Variants in RNGTT observed in about 807,000 individuals in gnomAD.
RNGTT encodes mRNA-capping enzyme.
In RNGTT, 33 loss-of-function variants were observed where a neutral mutation model predicts 79.3. The observed-to-expected ratio is 0.42, with a 90% CI of 0.32 to 0.56. RNGTT has a LOEUF of 0.56. Among genes scored for constraint, RNGTT ranks in the 20% least tolerant of loss-of-function variants. The pLI is 0.17. For missense variants in RNGTT, 497 were observed against 739.1 expected (o/e 0.67, Z 3.80); for synonymous variants, 222 against 235.9 (o/e 0.94, Z 0.54).
At chr6:88,658,856 G>T (rs1483040745) in intron 14 of RNGTT, among the ~76,000 whole-genome samples, 3 of 152,202 alleles carry the variant, frequency 2.0e-5, no homozygotes, top group Admixed American at 1.3e-4. Context: ...TAGACTCTTG[G>T]ACTTACACCA....
chr6:88,869,800 T>C (rs1040786914), intron 8 of RNGTT, among the ~76,000 whole-genome samples: 3 of 152,196 alleles, frequency 2.0e-5, no homozygotes, highest in Non-Finnish European at 4.4e-5. Context: ...CAAGGCCACA[T>C]CATAGAGCAG....
intron 13 of RNGTT, among the ~76,000 whole-genome samples, chr6:88,739,418 A>G (rs897292058): frequency 7.2e-5 from 11 of 152,110 alleles, no homozygotes; most frequent in African/African-American, 2.4e-4. Flanking sequence ...TTCCTGTAAC[A>G]CTAAAGAAAT....
chr6:88,681,160 A>T lies in RNGTT; in HGVS notation c.1440-2741T>A, dbSNP rs181956425. ...TTAGCAGCAGGAACAGTCACTGTTCATACAAATAGATGCTAGAAAAGGAAA... is the reference window on the plus strand; with the variant it reads ...TTAGCAGCAGGAACAGTCACTGTTCTTACAAATAGATGCTAGAAAAGGAAA... On this transcript the variant is annotated intron_variant, in intron 13 of 15. Coordinates refer to ENST00000369485, the MANE Select transcript of RNGTT (RefSeq NM_003800.5). Among the ~76,000 whole-genome samples the T allele has an allele frequency of 4.6e-5, 7 of 152,334 alleles. No individual in the cohort carries two copies. In the East Asian group the frequency reaches 1.4e-3, roughly 29 times the overall value.
At chr6:88,633,133 G>A (rs1772966322) in intron 14 of RNGTT, among the ~76,000 whole-genome samples, 2 of 152,070 alleles carry the variant, frequency 1.3e-5, no homozygotes, top group Admixed American at 1.3e-4. Flanking sequence ...TTATTGCAGG[G>A]TATAATCCCT....
chr6:88,921,963 G>A (rs1784176953), intron 4 of RNGTT, among the ~76,000 whole-genome samples: 1 of 152,088 alleles, frequency 6.6e-6, no homozygotes, highest in East Asian at 1.9e-4. Flanking sequence ...CAAGGCACTT[G>A]AGCACTGAGC....
At chr6:88,815,200 A>G (rs562806911) in intron 11 of RNGTT, among the ~76,000 whole-genome samples, 3 of 152,302 alleles carry the variant, frequency 2.0e-5, no homozygotes, top group African/African-American at 7.2e-5. Flanking sequence ...AATCCAGTAT[A>G]AACTGTGGAC....
intron 1 of RNGTT, among the ~76,000 whole-genome samples, chr6:88,945,056 G>A (rs73489909): frequency 2.1e-3 from 318 of 152,344 alleles, no homozygotes; most frequent in African/African-American, 7.4e-3. Context: ...ACGGGCTGAT[G>A]AAGATAGTCC....
At chr6:88,655,795 T>C (rs1773955024) in intron 14 of RNGTT, among the ~76,000 whole-genome samples, 1 of 151,740 alleles carries the variant, frequency 6.6e-6, no homozygotes, top group South Asian at 2.1e-4. Context: ...AGACAACTAA[T>C]ATCAAGAGAT....
At position 88,904,875 on chromosome 6, in the gene RNGTT, C is replaced by T. The variant is rs1408990956; in HGVS notation, c.524G>A (p.Arg175His). The T allele has an allele frequency of 3.1e-6, 5 of 1,613,894 alleles. No individual in the cohort carries two copies. The highest frequency in any genetic ancestry group is 4.2e-6 in the Non-Finnish European group (5 of 1,180,014). ...YKGDYLKELF[R>H]RYGDIEEAPP... ...TGCTTCCTCTATGTCACCATACCGA[C>T]GAAAAAGTTCCTTCAAATAATCACC... is the stretch of plus-strand genomic sequence containing the variant. The change falls in exon 6 of 16, where the codon CGT (arginine) becomes CAT (histidine). Residue 175 changes from arginine to histidine, a missense_variant. This residue lies in a region of RNGTT where 440 missense variants were observed against 671.5 expected (regional missense o/e 0.66). Coordinates refer to ENST00000369485, the MANE Select transcript of RNGTT (RefSeq NM_003800.5).
At chr6:88,861,283 A>G (rs186701467) in intron 8 of RNGTT, among the ~76,000 whole-genome samples, 1 of 152,282 alleles carries the variant, frequency 6.6e-6, no homozygotes, top group East Asian at 1.9e-4. Context: ...GACAGAATAT[A>G]TAAACCTTCC....
At position 88,610,818 on chromosome 6, in the gene RNGTT, T is replaced by A. The variant is rs1771994353; in HGVS notation, c.*1901A>T. ...ACATTTTAACTCCATTAAAGATCAT[T>A]GGCAAAAGCTTGCTTTCGTATCTGC... On this transcript the variant is annotated 3_prime_UTR_variant, in exon 16 of 16. Coordinates refer to ENST00000369485, the MANE Select transcript of RNGTT (RefSeq NM_003800.5). 1 of 152,240 alleles carries A rather than the reference T, an allele frequency of 6.6e-6. No homozygotes were observed. The highest frequency in any genetic ancestry group is 2.4e-5 in the African/African-American group (1 of 41,454). The allele number at this position is 152,240 out of a possible 1,614,324, so 9.4% of individuals were successfully genotyped here. A position where few individuals can be genotyped will look rare whatever the true frequency, so the allele number is the denominator to read the frequency against.
intron 13 of RNGTT, among the ~76,000 whole-genome samples, chr6:88,720,246 G>GT (rs1244225299): frequency 6.6e-6 from 1 of 152,050 alleles, no homozygotes; most frequent in Non-Finnish European, 1.5e-5. Flanking sequence ...ATATGTTACA[G>GT]TTCCTATGAG....
chr6:88,632,750 T>C (rs1364163352), intron 14 of RNGTT, among the ~76,000 whole-genome samples: 1 of 152,142 alleles, frequency 6.6e-6, no homozygotes, highest in Non-Finnish European at 1.5e-5. Context: ...TCAAACAGAA[T>C]AATGGATTGA....
intron 14 of RNGTT, among the ~76,000 whole-genome samples, chr6:88,637,674 T>C (rs1340838911): frequency 2.0e-5 from 3 of 151,996 alleles, no homozygotes; most frequent in East Asian, 3.8e-4. Context: ...TAATTTCTCA[T>C]GGGAAAGAAA....
At chr6:88,685,548 T>G (rs1775245065) in intron 13 of RNGTT, among the ~76,000 whole-genome samples, 1 of 140,694 alleles carries the variant, frequency 7.1e-6, no homozygotes, top group African/African-American at 2.7e-5. Flanking sequence ...GGGGGGAGGA[T>G]GAGGAGGGAA....
chr6:88,771,471 CTG>C (rs1778681225), intron 12 of RNGTT, among the ~76,000 whole-genome samples: 7 of 151,416 alleles, frequency 4.6e-5, no homozygotes, highest in Admixed American at 1.3e-4. Context: ...TGAAAACAGG[CTG>C]TGTAAGTCCT....
chr6:88,659,976 A>G (rs1774120678), intron 14 of RNGTT, among the ~76,000 whole-genome samples: 1 of 152,242 alleles, frequency 6.6e-6, no homozygotes, highest in African/African-American at 2.4e-5. Flanking sequence ...CTTACAAACC[A>G]GCAGGCATTG....
intron 2 of RNGTT, among the ~76,000 whole-genome samples, chr6:88,930,031 C>T (rs930250471): frequency 1.4e-5 from 2 of 143,288 alleles, no homozygotes; most frequent in Non-Finnish European, 3.1e-5. Flanking sequence ...CACATATATG[C>T]ATATATATGC....
chr6:88,946,625 G>GCTCTCCCTCTCCCTCTCC (rs112379823), intron 1 of RNGTT, among the ~76,000 whole-genome samples: 7 of 149,828 alleles, frequency 4.7e-5, no homozygotes, highest in African/African-American at 1.7e-4. Context: ...CTCGACAGCA[G>GCTCTCCCTCTCCCTCTCC]CTCTCCCTCT....
Sources: allele counts gnomAD v4.1 joint callset (sites outside exome capture counted in the v4.1 genomes callset), GRCh38; gene constraint gnomAD v4.1.1; regional missense constraint gnomAD v4.1.1; transcripts MANE v1.5; gene names NCBI Gene and HGNC (gene_info 2026-07-23, HGNC 2026-07-21).